Variants in NASP observed in about 807,000 individuals in gnomAD.
The protein encoded by NASP is NASP histone chaperone.
A neutral mutation model predicts 89.5 loss-of-function variants in NASP; 24 were observed. The observed-to-expected ratio is 0.27, with a 90% CI of 0.19 to 0.38. The LOEUF (loss-of-function observed/expected upper bound fraction) is 0.38. Among genes scored for constraint, NASP ranks in the 10% least tolerant of loss-of-function variants. The pLI is 1.00. For synonymous variants in NASP, 306 were observed against 324.7 expected (o/e 0.94, Z 0.62); for missense variants, 848 against 921.4 (o/e 0.92, Z 1.03).
In NASP at chr1:45,616,674, A is replaced by G; in HGVS notation, c.2128A>G (p.Thr710Ala). Residue 710 changes from threonine to alanine, a missense_variant, in exon 13 of 15, where the codon ACT becomes GCT. Thr to Ala is a moderately conservative substitution (Grantham distance 58). Transcript: ENST00000350030. Reference sequence around the variant, plus strand: ...CGGTGCTTCCTCATCAAATTGTGTGACTGATATTTCCCACCTTGTCAGAAA... The same window carrying G: ...CGGTGCTTCCTCATCAAATTGTGTGGCTGATATTTCCCACCTTGTCAGAAA... ...TDGASSSNCV[T>A]DISHLVRKKR... 1 of 1,614,106 alleles carries G rather than the reference A, an allele frequency of 6.2e-7. No individual in the cohort carries two copies. The highest frequency in any genetic ancestry group is 8.5e-7 in the Non-Finnish European group (1 of 1,179,934).
At chr1:45,598,172 CTTT>C (rs35993035) in intron 2 of NASP, among the ~76,000 whole-genome samples, 2 of 136,706 alleles carry the variant, frequency 1.5e-5, no homozygotes, top group Non-Finnish European at 1.5e-5. Context: ...ACTCCTGTTA[CTTT>C]TTTTTTTTTT....
chr1:45,599,184 A>T (rs1158751322), intron 2 of NASP, among the ~76,000 whole-genome samples: 1 of 152,036 alleles, frequency 6.6e-6, no homozygotes, highest in Non-Finnish European at 1.5e-5. Flanking sequence ...GCTGGAGTGC[A>T]GCAGTGTGAT....
intron 2 of NASP, among the ~76,000 whole-genome samples, chr1:45,596,516 C>CCAT (rs1169701424): frequency 6.6e-5 from 10 of 152,140 alleles, no homozygotes; most frequent in Non-Finnish European, 1.5e-4. Flanking sequence ...TAACGTTCAT[C>CCAT]CATGTTGTGG....
In NASP at chr1:45,607,715, G is replaced by A. The variant is rs751347584; in HGVS notation, c.804G>A (p.Val268=). The A allele has an allele frequency of 4.3e-6, 7 of 1,614,050 alleles. No individual in the cohort carries two copies. In the East Asian group the frequency reaches 1.3e-4, roughly 31 times the overall value. The part of the protein sequence containing the change: ...GGQEKQGEVI[V]SIEEKPKEVS... ...AGGAGAAGCAGGGAGAGGTAATTGT[G>A]AGCATAGAGGAGAAGCCAAAAGAAG... Residue 268 remains valine, a synonymous_variant, in exon 6 of 15, where the codon GTG becomes GTA. Transcript: ENST00000350030.
At chr1:45,599,501 C>T (rs1643782459) in intron 2 of NASP, among the ~76,000 whole-genome samples, 1 of 152,064 alleles carries the variant, frequency 6.6e-6, no homozygotes, top group African/African-American at 2.4e-5. Context: ...AATCTCGGCT[C>T]ACTGCAACCT....
intron 11 of NASP, chr1:45,615,700 A>C: frequency 2.1e-6 from 1 of 474,794 alleles, no homozygotes. Context: ...CCCTCAGTTG[A>C]CCGATTTGTA....
rs576108590 is a variant in NASP at position 45,587,885 on chromosome 1, CAG to C, written c.60-3335_60-3334del. On this transcript the variant is annotated intron_variant, in intron 1 of 14. Transcript: ENST00000350030. ...CCTGTAATCGCTTGAAACCGGGAGG[CAG>C]AGGTTGCAGTGAGTCGAGATTGTGC... 2.9e-4 allele frequency among the ~76,000 whole-genome samples: 44 copies of C among 150,184 alleles called. No homozygotes were observed. In the East Asian group the frequency reaches 8.4e-3, roughly 29 times the overall value.
In NASP at chr1:45,608,205, T is replaced by C; in HGVS notation, c.1294T>C (p.Ser432Pro). The C allele has an allele frequency of 6.2e-7, 1 of 1,613,820 alleles. No homozygotes were observed. Among genetic ancestry groups the C allele is most frequent in the Non-Finnish European group, 8.5e-7 (1 of 1,179,960 alleles). ...GGAGACTAAGCTGTCTGTAGAAGAG[T>C]CTGAGGCAGCTGGAGATGGGGTTGA... ...QEETKLSVEE[S>P]EAAGDGVDTK... The change falls in exon 6 of 15, where the codon TCT becomes CCT. Residue 432 changes from serine to proline, a missense_variant. Around this residue, in one of 5 missense-constraint regions of NASP, gnomAD observed 464 missense variants for 469.4 expected, o/e 0.99. Transcript: ENST00000350030.
chr1:45,586,276 GTGTGTGTGGTGTGTGTGT>G (rs1357087202), intron 1 of NASP, among the ~76,000 whole-genome samples: 1 of 50,940 alleles, frequency 2.0e-5, no homozygotes, highest in African/African-American at 7.0e-5. Context: ...GTGTGTGTGT[GTGTGTGTGGTGTGTGTGT>G]GTGTGTGTGT....
Position 45,584,157 on chromosome 1 carries a change from A to T in NASP, c.11A>T (p.Glu4Val), listed in dbSNP as rs1421489848. The T allele has an allele frequency of 6.3e-7, 1 of 1,595,966 alleles. No individual in the cohort carries two copies. The highest frequency in any genetic ancestry group is 2.3e-5 in the East Asian group (1 of 44,222). Residue 4 changes from glutamate (E) to valine (V), a missense_variant, in exon 1 of 15, where the codon GAG (glutamate) becomes GTG (valine). Glu to Val is a moderately radical substitution (Grantham distance 121). This residue lies in a region of NASP where 89 missense variants were observed against 79.2 expected (regional missense o/e 1.12). Transcript: ENST00000350030. The part of the protein sequence containing the change: MAM[E>V]STATAAVAAE... Reference sequence around the variant, plus strand: ...CACCTCAGGGGAACGATGGCCATGGAGTCCACAGCCACTGCCGCCGTCGCC... The same window carrying T: ...CACCTCAGGGGAACGATGGCCATGGTGTCCACAGCCACTGCCGCCGTCGCC...
At chr1:45,598,822 ATAT>A (rs765760140) in intron 2 of NASP, among the ~76,000 whole-genome samples, 2 of 152,046 alleles carry the variant, frequency 1.3e-5, no homozygotes, top group Non-Finnish European at 2.9e-5. Flanking sequence ...GCTGCCATTA[ATAT>A]TCAGTTTTCC....
chr1:45,602,166 A>G, intron 2 of NASP, 89 bp from the exon 3 acceptor site: 1 of 1,483,236 alleles, frequency 6.7e-7, no homozygotes, highest in South Asian at 1.4e-5. Flanking sequence ...AAAGTTTTAA[A>G]AAATGAAACT....
Position 45,587,681 on chromosome 1 carries a change from T to TAA in NASP, c.59+3477_59+3478insAA, listed in dbSNP as rs1644575078. Among the ~76,000 whole-genome samples, 4 of 98,920 alleles carry TAA rather than the reference T, an allele frequency of 4.0e-5. 1 individual carries two copies. The highest frequency in any genetic ancestry group is 3.5e-4 in the Admixed American group (3 of 8,474). 64.9% of individuals were successfully genotyped at this position (98,920 alleles called of 152,430 possible). On this transcript the variant is annotated intron_variant, in intron 1 of 14. Coordinates refer to ENST00000350030, the MANE Select transcript of NASP (RefSeq NM_002482.4). ...TTTTTCATATATATATATATATATATATATATAATTAATTTTTTGGAGAGA... is the reference window on the plus strand; with the variant it reads ...TTTTTCATATATATATATATATATATAAATATATAATTAATTTTTTGGAGAGA...
intron 13 of NASP, among the ~76,000 whole-genome samples, chr1:45,616,938 G>A (rs189039909): frequency 7.7e-4 from 117 of 152,130 alleles, no homozygotes; most frequent in African/African-American, 2.8e-3. Context: ...TCTGCCCCCC[G>A]GGTTCAAGTG....
chr1:45,614,814 G>T (rs1033446836), intron 9 of NASP, 199 bp from the exon 10 acceptor site: 15 of 540,280 alleles, frequency 2.8e-5, no homozygotes, highest in Non-Finnish European at 4.6e-5. Flanking sequence ...TGGGATTACA[G>T]GTGTGAGCCA....
chr1:45,595,101 C>A (rs1643656386), intron 2 of NASP, among the ~76,000 whole-genome samples: 1 of 149,476 alleles, frequency 6.7e-6, no homozygotes, highest in Non-Finnish European at 1.5e-5. Flanking sequence ...CCAAGAGATA[C>A]TCCTGCCTCA....
chr1:45,610,573 C>CA (rs1643990048), intron 6 of NASP: 1 of 152,168 alleles, frequency 6.6e-6, no homozygotes, highest in African/African-American at 2.4e-5. Context: ...TTGGGCTGTA[C>CA]ATTTGCTTCT....
intron 6 of NASP, chr1:45,612,073 C>T (rs984384238): frequency 6.6e-6 from 1 of 151,272 alleles, no homozygotes; most frequent in Non-Finnish European, 1.5e-5. Context: ...CGGGGTTTCA[C>T]CATGTTCGCC....
chr1:45,618,296 T>A lies in NASP; in HGVS notation c.*155T>A. 1 of 611,726 alleles carries A rather than the reference T, an allele frequency of 1.6e-6. No homozygotes were observed. The highest frequency in any genetic ancestry group is 2.0e-5 in the South Asian group (1 of 50,558). 37.9% of individuals were successfully genotyped at this position (611,726 alleles called of 1,614,324 possible). A position where few individuals can be genotyped will look rare whatever the true frequency, so the allele number is the denominator to read the frequency against. On this transcript the variant is annotated 3_prime_UTR_variant, in exon 15 of 15. Coordinates refer to ENST00000350030, the MANE Select transcript of NASP (RefSeq NM_002482.4). ...TCTTAATTATTGGCTGAATCTGCCTTGGAGCACTGCTGGTTTTATATATTA... is the reference window on the plus strand; with the variant it reads ...TCTTAATTATTGGCTGAATCTGCCTAGGAGCACTGCTGGTTTTATATATTA...
Sources: gnomAD v4.1 joint callset for allele counts (sites outside exome capture counted in the v4.1 genomes callset) on GRCh38, gnomAD v4.1.1 for gene constraint, gnomAD v4.1.1 regional missense constraint, MANE v1.5 for transcripts, NCBI Gene and HGNC (gene_info 2026-07-23, HGNC 2026-07-21) for gene names.